The following ZDHHC15 variants were observed in gnomAD, a reference collection of about 807,000 sequenced individuals.
ZDHHC15 encodes the protein zDHHC palmitoyltransferase 15, also known as palmitoyltransferase ZDHHC15.
In ZDHHC15, 19 loss-of-function variants were observed where a neutral mutation model predicts 31.7. The ratio of observed to expected loss-of-function variants is 0.60; its 90% confidence interval spans 0.42 to 0.88. The LOEUF (loss-of-function observed/expected upper bound fraction) is 0.88. Ranked by LOEUF, ZDHHC15 falls within the 40% of genes least tolerant of loss-of-function variation. The probability of loss-of-function intolerance (pLI) is 0.00; values close to 1 mark genes in which losing one functional copy is unlikely to be tolerated. For synonymous variants in ZDHHC15, 103 were observed against 90.0 expected (o/e 1.14, Z -0.82); for missense variants, 209 against 251.2 (o/e 0.83, Z 1.14).
chrX:75,482,319 C>T (rs2084703070), intron 2 of ZDHHC15, among the ~76,000 whole-genome samples: 1 of 111,800 alleles, frequency 8.9e-6, no homozygotes, highest in South Asian at 3.7e-4. Flanking sequence ...CATGATTTAG[C>T]CACCCTCTAG....
intron 2 of ZDHHC15, among the ~76,000 whole-genome samples, chrX:75,492,364 C>T (rs1246692450): frequency 9.0e-6 from 1 of 110,852 alleles, no homozygotes; most frequent in African/African-American, 3.3e-5. Flanking sequence ...CAATATTAGA[C>T]AGATCAACGA....
At chrX:75,463,595 C>CAACAAT (rs1482756537) in intron 3 of ZDHHC15, among the ~76,000 whole-genome samples, 1 of 110,485 alleles carries the variant, frequency 9.1e-6, no homozygotes, top group Non-Finnish European at 1.9e-5. Flanking sequence ...ACAACAACAA[C>CAACAAT]AACAACAACA....
chrX:75,444,286 C>A (rs1210173908), intron 4 of ZDHHC15, among the ~76,000 whole-genome samples: 18 of 109,059 alleles, frequency 1.7e-4, no homozygotes, highest in African/African-American at 5.4e-4. Context: ...TACTATGCAG[C>A]CATAAAAAAG....
chrX:75,383,290 T>C (rs2083136363), intron 10 of ZDHHC15, among the ~76,000 whole-genome samples: 1 of 112,489 alleles, frequency 8.9e-6, no homozygotes, highest in African/African-American at 3.2e-5. Flanking sequence ...TTTGAAATAA[T>C]CTAACAATCA....
chrX:75,369,774 A>ACTC lies in ZDHHC15; in HGVS notation c.*3201_*3203dup, dbSNP rs1350073629. 1.8e-5 allele frequency: 2 copies of ACTC among 111,250 alleles called. No individual in the cohort carries two copies. The highest frequency in any genetic ancestry group is 6.5e-5 in the African/African-American group (2 of 30,559). The allele number at this position is 111,250 out of a possible 1,213,427, so 9.2% of individuals were successfully genotyped here. ...CTTTTCAGATTTTTGACAAAATGTGACTCTTTCAGAATGTGATCCTGTTGT... is the reference window on the plus strand; with the variant it reads ...CTTTTCAGATTTTTGACAAAATGTGACTCCTCTTTCAGAATGTGATCCTGTTGT... On this transcript the variant is annotated 3_prime_UTR_variant, in exon 12 of 12. Transcript: ENST00000373367.
chrX:75,383,733 AGG>A lies in ZDHHC15; in HGVS notation c.968-4537_968-4536del, dbSNP rs2083143158. Among the ~76,000 whole-genome samples the A allele has an allele frequency of 2.2e-4, 8 of 35,935 alleles. 1 individual carries two copies. Among genetic ancestry groups the A allele is most frequent in the East Asian group, 1.6e-3 (1 of 623 alleles). 31.2% of individuals were successfully genotyped at this position (35,935 alleles called of 115,157 possible). A position where few individuals can be genotyped will look rare whatever the true frequency, so the allele number is the denominator to read the frequency against. On this transcript the variant is annotated intron_variant, in intron 10 of 11. Transcript: ENST00000373367. ...CACTACCCCAAATTTAAGAAATGTTAGGTTTTTTTTTTTTTTTTTTTTTGAGA... is the reference window on the plus strand; with the variant it reads ...CACTACCCCAAATTTAAGAAATGTTATTTTTTTTTTTTTTTTTTTTTGAGA...
chrX:75,453,215 C>A (rs1384975843), intron 3 of ZDHHC15, among the ~76,000 whole-genome samples: 2 of 111,414 alleles, frequency 1.8e-5, no homozygotes, highest in Admixed American at 1.9e-4. Context: ...GATATCACCA[C>A]CGATCCCACA....
chrX:75,452,014 C>T (rs1293002021), intron 3 of ZDHHC15, among the ~76,000 whole-genome samples: 1 of 110,975 alleles, frequency 9.0e-6, no homozygotes. Flanking sequence ...ATGACAGGAT[C>T]AAATTCACAC....
intron 1 of ZDHHC15, among the ~76,000 whole-genome samples, chrX:75,518,549 C>T (rs1298931426): frequency 9.3e-6 from 1 of 107,620 alleles, no homozygotes; most frequent in Non-Finnish European, 1.9e-5. Context: ...TAAAATGGTG[C>T]AGTCACTGCG....
intron 4 of ZDHHC15, among the ~76,000 whole-genome samples, chrX:75,444,640 GTATATATA>G (rs760429265): frequency 0.44 from 10,020 of 22,610 alleles, 2,446 homozygotes; most frequent in East Asian, 0.59. Context: ...AAGCAACACT[GTATATATA>G]TATATATATA....
At chrX:75,386,285 C>G (rs1482829477) in intron 10 of ZDHHC15, among the ~76,000 whole-genome samples, 3 of 111,731 alleles carry the variant, frequency 2.7e-5, no homozygotes, top group African/African-American at 9.8e-5. Context: ...CCCCCCAGTC[C>G]TGATTATCAT....
rs372152194 is a variant in ZDHHC15, at chrX:75,505,897, G to A, written c.137-50C>T. 2.1e-5 allele frequency: 13 copies of A among 608,869 alleles called. No individual in the cohort carries two copies. In the African/African-American group the frequency reaches 2.8e-4, roughly 13 times the overall value. 50.2% of individuals were successfully genotyped at this position (608,869 alleles called of 1,213,427 possible). On this transcript the variant is annotated intron_variant, in intron 1 of 11. Coordinates refer to ENST00000373367, the MANE Select transcript of ZDHHC15 (RefSeq NM_144969.3). ...GACAGACAGACAGACAGAGATGGAT[G>A]AGAGAGAGAGAGAGAGAAATTAGTT...
intron 4 of ZDHHC15, among the ~76,000 whole-genome samples, chrX:75,432,171 T>TA (rs1161463988): frequency 3.6e-5 from 4 of 111,499 alleles, no homozygotes; most frequent in Admixed American, 2.9e-4. Context: ...GATTCTAATA[T>TA]AAAAAAATCA....
chrX:75,400,287 T>A (rs2083342878), intron 10 of ZDHHC15, among the ~76,000 whole-genome samples: 1 of 111,613 alleles, frequency 9.0e-6, no homozygotes, highest in Non-Finnish European at 1.9e-5. Flanking sequence ...AAGAACCTAA[T>A]GGGTCTGACA....
chrX:75,511,348 T>A (rs1436963517), intron 1 of ZDHHC15, among the ~76,000 whole-genome samples: 1 of 29,270 alleles, frequency 3.4e-5, no homozygotes, highest in Admixed American at 4.9e-4. Flanking sequence ...CATTTTTTCA[T>A]GTGTTTTTTG....
In ZDHHC15 at chrX:75,522,993, C is replaced by T; in HGVS notation, c.32G>A (p.Gly11Glu). MRRGWKMALS[G>E]GLRCCRRVLS... ...TACCCGGCGGCAGCACCGCAGCCCC[C>T]CAGACAGAGCCATCTTCCAGCCTCG... Residue 11 changes from glycine (G) to glutamate (E), a missense_variant, in exon 1 of 12, where the codon GGG (glycine) becomes GAG (glutamate). By Grantham distance (98) the Gly-to-Glu change is moderately conservative (BLOSUM62 -2). Coordinates refer to ENST00000373367, the MANE Select transcript of ZDHHC15 (RefSeq NM_144969.3). 8.3e-7 allele frequency: 1 copy of T among 1,210,877 alleles called. No individual in the cohort carries two copies. The highest frequency in any genetic ancestry group is 1.1e-6 in the Non-Finnish European group (1 of 895,071).
At chrX:75,521,436 C>T (rs965910782) in intron 1 of ZDHHC15, among the ~76,000 whole-genome samples, 55 of 110,317 alleles carry the variant, frequency 5.0e-4, no homozygotes, top group Non-Finnish European at 8.5e-4. Context: ...GAGAGCATTG[C>T]AAGGCCAATA....
intron 10 of ZDHHC15, among the ~76,000 whole-genome samples, chrX:75,398,412 C>T: frequency 8.9e-6 from 1 of 112,638 alleles, no homozygotes; most frequent in East Asian, 2.8e-4. Context: ...CTCCGGCCAC[C>T]CCCACCCAAT....
At chrX:75,464,264 G>C (rs1016896925) in intron 3 of ZDHHC15, among the ~76,000 whole-genome samples, 1 of 110,339 alleles carries the variant, frequency 9.1e-6, no homozygotes, top group African/African-American at 3.3e-5. Flanking sequence ...GAAGGGGAAC[G>C]TCACACACCG....
Sources: allele counts gnomAD v4.1 joint callset (sites outside exome capture counted in the v4.1 genomes callset), GRCh38; gene constraint gnomAD v4.1.1; transcripts MANE v1.5; gene names NCBI Gene and HGNC (gene_info 2026-07-23, HGNC 2026-07-21).